Variants in ZNF112 observed in about 807,000 individuals in gnomAD.
The protein encoded by ZNF112 is zinc finger protein 112 (Y14).
ZNF112 carries 37 observed loss-of-function variants against 77.7 expected under a neutral mutation model. The observed-to-expected ratio is 0.48, with a 90% CI of 0.37 to 0.63. The LOEUF (loss-of-function observed/expected upper bound fraction) is 0.63, where lower values mean the gene tolerates loss of function less well. Ranked by LOEUF, ZNF112 falls within the 20% of genes least tolerant of loss-of-function variation. ZNF112 has a pLI of 0.00. For missense variants in ZNF112, 950 were observed against 1,077.4 expected (o/e 0.88, Z 1.66); for synonymous variants, 333 against 363.6 (o/e 0.92, Z 0.96).
At chr19:44,340,252 C>A (rs1321867713) in intron 2 of ZNF112, among the ~76,000 whole-genome samples, 164 bp downstream of exon 2, 1 of 152,132 alleles carries the variant, frequency 6.6e-6, no homozygotes, top group Non-Finnish European at 1.5e-5. Context: ...ATAGACTGGA[C>A]AAAACCATCA....
At chr19:44,353,346 G>C (rs1200249365) in intron 1 of ZNF112, among the ~76,000 whole-genome samples, 1 of 152,020 alleles carries the variant, frequency 6.6e-6, no homozygotes, top group Non-Finnish European at 1.5e-5. Flanking sequence ...AGACTTCTTA[G>C]ATATGACATC....
At chr19:44,343,417 G>C in intron 1 of ZNF112, 1 of 814,308 alleles carries the variant, frequency 1.2e-6, no homozygotes, top group South Asian at 1.7e-5. Flanking sequence ...ACACACCGGC[G>C]TTAAGGAGCA....
chr19:44,330,723 G>C (rs1970254851), intron 3 of ZNF112, among the ~76,000 whole-genome samples: 2 of 152,190 alleles, frequency 1.3e-5, no homozygotes, highest in Admixed American at 1.3e-4. Context: ...GCAACAGAAT[G>C]AGATCCTGTC....
chr19:44,341,175 A>T, intron 1 of ZNF112: 1 of 456,766 alleles, frequency 2.2e-6, no homozygotes, highest in South Asian at 1.5e-5. Context: ...CCTGGCACAC[A>T]GTAAGTACCC....
At chr19:44,334,042 C>T (rs1821460) in intron 3 of ZNF112, among the ~76,000 whole-genome samples, 10,677 of 152,186 alleles carry the variant, frequency 0.07, 491 homozygotes, top group African/African-American at 0.12. Flanking sequence ...CAGTGAAGTC[C>T]AGGCTGAGGT....
chr19:44,359,167 C>T (rs1266575960), upstream of ZNF112, among the ~76,000 whole-genome samples: 2 of 152,094 alleles, frequency 1.3e-5, no homozygotes, highest in African/African-American at 2.4e-5. Flanking sequence ...CCTCAGAGGT[C>T]TGAGTTTCAG....
upstream of ZNF112, among the ~76,000 whole-genome samples, chr19:44,358,785 G>A (rs1193457289): frequency 6.6e-6 from 1 of 151,988 alleles, no homozygotes. Flanking sequence ...AATAAATATT[G>A]TCTCATCTCC....
intron 2 of ZNF112, among the ~76,000 whole-genome samples, chr19:44,339,592 C>T (rs1417684000): frequency 6.6e-6 from 1 of 152,232 alleles, no homozygotes; most frequent in Non-Finnish European, 1.5e-5. Context: ...TGGAAGCTGA[C>T]ATCTGGAACG....
upstream of ZNF112, among the ~76,000 whole-genome samples, chr19:44,360,839 T>G (rs1431493728): frequency 1.3e-5 from 2 of 152,216 alleles, no homozygotes; most frequent in Non-Finnish European, 2.9e-5. Flanking sequence ...GCATTTCTTA[T>G]GACACTTAAA....
rs772753303 is a variant in ZNF112, at chr19:44,340,525, C to T, written c.15G>A (p.Lys5=). 5.0e-6 allele frequency: 8 copies of T among 1,613,882 alleles called. No homozygotes were observed. In the African/African-American group the frequency reaches 9.3e-5, roughly 19 times the overall value. The change falls in exon 2 of 4, where the codon AAG becomes AAA. Residue 5 remains lysine, a synonymous_variant. Coordinates refer to ENST00000354340, the MANE Select transcript of ZNF112 (RefSeq NM_013380.4). ...CCTCAGTGAAGACCACAGCAACATC[C>T]TTGAATGTCACCATCTCCTACAATG... MVTF[K]DVAVVFTEEE... is the part of the protein sequence containing the mutation.
At chr19:44,365,866 C>T (rs1246978011) in intron 1 of ZNF112, among the ~76,000 whole-genome samples, 1 of 152,166 alleles carries the variant, frequency 6.6e-6, no homozygotes, top group African/African-American at 2.4e-5. Flanking sequence ...CACAAAACTT[C>T]ACTCTATCCT....
chr19:44,336,514 T>C, intron 3 of ZNF112, 109 bp downstream of exon 3: 1 of 889,912 alleles, frequency 1.1e-6, no homozygotes, highest in Non-Finnish European at 1.8e-6. Context: ...AAACTTACTA[T>C]GTGTGAAATG....
chr19:44,330,930 G>A (rs983458725), intron 3 of ZNF112, among the ~76,000 whole-genome samples: 1 of 152,180 alleles, frequency 6.6e-6, no homozygotes, highest in African/African-American at 2.4e-5. Context: ...ATTTGTAAGT[G>A]TACTGTGTGC....
At position 44,328,466 on chromosome 19, in the gene ZNF112, G is replaced by T. The variant is rs184596992; in HGVS notation, c.1691C>A (p.Ala564Asp). 6.2e-7 allele frequency: 1 copy of T among 1,613,678 alleles called. No homozygotes were observed. Among genetic ancestry groups the T allele is most frequent in the Admixed American group, 1.7e-5 (1 of 59,966 alleles). ...TTCTCCAGTGTGGACTCTCTGATGG[G>T]CTTGAAGATATGAACTCCGACTGAA... ...KGFSRSSYLQ[A>D]HQRVHTGEKP... Residue 564 changes from alanine (A) to aspartate (D), a missense_variant, in exon 4 of 4, where the codon GCC (alanine) becomes GAC (aspartate). This residue lies in a region of ZNF112 where 373 missense variants were observed against 482.8 expected (regional missense o/e 0.77). Transcript: ENST00000354340.
intron 1 of ZNF112, among the ~76,000 whole-genome samples, chr19:44,341,012 C>A (rs574297358): frequency 2.9e-4 from 44 of 152,284 alleles, no homozygotes; most frequent in African/African-American, 1.0e-3. Context: ...AGCTCTGGAG[C>A]CTGACTGCCT....
intron 1 of ZNF112, among the ~76,000 whole-genome samples, chr19:44,346,962 A>G (rs1321828229): frequency 6.6e-6 from 1 of 152,236 alleles, no homozygotes; most frequent in African/African-American, 2.4e-5. Flanking sequence ...AGTATTATTC[A>G]GGTCTTTTGA....
rs1472099674 is a variant in ZNF112, at chr19:44,328,327, C to T, written c.1830G>A (p.Lys610=). 5 of 1,613,486 alleles carry T rather than the reference C, an allele frequency of 3.1e-6. No homozygotes were observed. In the East Asian group the frequency reaches 8.9e-5, roughly 29 times the overall value. ...GAAGGTGTGAACTCCGACTGAAGCCCTTCCCACACTCCTCACACTTGTATG... is the reference window on the plus strand; with the variant it reads ...GAAGGTGTGAACTCCGACTGAAGCCTTTCCCACACTCCTCACACTTGTATG... ...EKPYKCEECG[K]GFSRSSHLQG... The change falls in exon 4 of 4, where the codon AAG becomes AAA. Residue 610 remains lysine (K), a synonymous_variant. Coordinates refer to ENST00000354340, the MANE Select transcript of ZNF112 (RefSeq NM_013380.4).
At chr19:44,361,752 C>CA (rs1246258625) in intron 1 of ZNF112, among the ~76,000 whole-genome samples, 1 of 152,070 alleles carries the variant, frequency 6.6e-6, no homozygotes, top group Admixed American at 6.5e-5. Flanking sequence ...ATGTACAACA[C>CA]AAAGAGTAAG....
intron 3 of ZNF112, among the ~76,000 whole-genome samples, chr19:44,332,507 T>C (rs1281515740): frequency 6.6e-6 from 1 of 152,250 alleles, no homozygotes; most frequent in African/African-American, 2.4e-5. Flanking sequence ...AGATAAAGTA[T>C]ATAGCTTATA....
Sources: gnomAD v4.1 joint callset for allele counts (sites outside exome capture counted in the v4.1 genomes callset) on GRCh38, gnomAD v4.1.1 for gene constraint, gnomAD v4.1.1 regional missense constraint, MANE v1.5 for transcripts, NCBI Gene and HGNC (gene_info 2026-07-23, HGNC 2026-07-21) for gene names.